The following OCA2 variants were observed in gnomAD, a reference collection of about 807,000 sequenced individuals.
The protein encoded by OCA2 is OCA2 melanosomal transmembrane protein, also known as P protein.
OCA2 carries 77 observed loss-of-function variants against 100.2 expected under a neutral mutation model. That is an observed-to-expected ratio of 0.77 (90% CI 0.64 to 0.93). OCA2 has a LOEUF of 0.93. Among genes scored for constraint, OCA2 ranks in the 40% least tolerant of loss-of-function variants. OCA2 has a pLI of 0.00. For missense variants in OCA2, 1,062 were observed against 1,089.1 expected (o/e 0.98, Z 0.35); for synonymous variants, 432 against 439.2 (o/e 0.98, Z 0.21).
the OCA2 span, among the ~76,000 whole-genome samples, chr15:27,719,585 A>C: frequency 6.6e-6 from 1 of 152,234 alleles, no homozygotes; most frequent in African/African-American, 2.4e-5. Flanking sequence ...AAAACAGTTT[A>C]GCAATATCTT....
chr15:27,932,376 A>G (rs2140424087), intron 18 of OCA2, among the ~76,000 whole-genome samples: 1 of 152,288 alleles, frequency 6.6e-6, no homozygotes. Context: ...CCTGGGGAAA[A>G]GACAAGCATG....
chr15:28,017,887 T>C (rs1470485406), intron 7 of OCA2, among the ~76,000 whole-genome samples: 1 of 152,170 alleles, frequency 6.6e-6, no homozygotes, highest in East Asian at 1.9e-4. Flanking sequence ...TGGGCTGCCA[T>C]GACAGCCACC....
At chr15:28,014,030 C>T (rs1481744452) in intron 9 of OCA2, among the ~76,000 whole-genome samples, 1 of 152,146 alleles carries the variant, frequency 6.6e-6, no homozygotes, top group Non-Finnish European at 1.5e-5. Context: ...GCCACTCCTC[C>T]AGCCTGCCAT....
chr15:27,734,988 A>T, the OCA2 span, among the ~76,000 whole-genome samples: 1 of 152,252 alleles, frequency 6.6e-6, no homozygotes, highest in Non-Finnish European at 1.5e-5. Context: ...AAAGGGACAA[A>T]ATAAAGTGCC....
the OCA2 span, among the ~76,000 whole-genome samples, chr15:27,722,558 CCTCT>C: frequency 6.6e-5 from 10 of 152,110 alleles, no homozygotes; most frequent in Admixed American, 2.6e-4. Context: ...GTCCCCACTC[CCTCT>C]CTATCACCTT....
rs112928548 is a variant in OCA2 at position 27,949,364 on chromosome 15, T to C, written c.1951+2420A>G. 9.5e-3 allele frequency among the ~76,000 whole-genome samples: 1,450 copies of C among 152,232 alleles called. 9 individuals carry two copies. The highest frequency in any genetic ancestry group is 0.016 in the Non-Finnish European group (1,096 of 68,000). On this transcript the variant is annotated intron_variant, in intron 18 of 23. Transcript: ENST00000354638. ...GGCTCAACTTACACAGCAGGACACATTGAAAACAGAACTTCTGGCCGGGCA... is the reference window on the plus strand; with the variant it reads ...GGCTCAACTTACACAGCAGGACACACTGAAAACAGAACTTCTGGCCGGGCA...
intron 21 of OCA2, among the ~76,000 whole-genome samples, chr15:27,863,046 C>T (rs568799591): frequency 1.2e-4 from 19 of 152,204 alleles, no homozygotes; most frequent in South Asian, 1.0e-3. Flanking sequence ...GGAAGCTGGC[C>T]GAGAAGGCAC....
intron 19 of OCA2, among the ~76,000 whole-genome samples, chr15:27,911,441 T>TA (rs1193523078): frequency 1.3e-5 from 2 of 151,788 alleles, no homozygotes; most frequent in Non-Finnish European, 2.9e-5. Flanking sequence ...AAAGAGAAAA[T>TA]AAAAGAGGTT....
At chr15:27,950,367 A>C in intron 18 of OCA2, 1 of 291,952 alleles carries the variant, frequency 3.4e-6, no homozygotes, top group South Asian at 3.0e-5. Context: ...TTCTAATGTT[A>C]AAATTACATT....
In OCA2 at chr15:27,930,902, G is replaced by C. The variant is rs113949761; in HGVS notation, c.1952-4648C>G. Among the ~76,000 whole-genome samples, 84 of 152,190 alleles carry C rather than the reference G, an allele frequency of 5.5e-4. 1 individual carries two copies. Among genetic ancestry groups the C allele is most frequent in the African/African-American group, 1.9e-3 (81 of 41,550 alleles). ...AAACACTGTAGACAAGATGTGCTTA[G>C]AACACTAAAAGTTCAAAGAACTGGG... On this transcript the variant is annotated intron_variant, in intron 18 of 23. Transcript: ENST00000354638.
intron 2 of OCA2, among the ~76,000 whole-genome samples, chr15:28,081,055 G>A (rs1278700468): frequency 6.6e-6 from 1 of 152,052 alleles, no homozygotes; most frequent in Admixed American, 6.5e-5. Context: ...GGGTGCACAT[G>A]GACATAAAGA....
chr15:27,786,093 A>T (rs538561238), intron 23 of OCA2, among the ~76,000 whole-genome samples: 2 of 152,188 alleles, frequency 1.3e-5, no homozygotes, highest in Admixed American at 6.5e-5. Context: ...TTGAAATCCA[A>T]TTGTTCCAGC....
intron 14 of OCA2, among the ~76,000 whole-genome samples, chr15:27,976,245 T>C (rs534035224): frequency 1.5e-4 from 23 of 152,330 alleles, no homozygotes; most frequent in African/African-American, 5.3e-4. Context: ...ATTGATGCTT[T>C]GTATTTCTTT....
chr15:27,738,613 T>C, the OCA2 span, among the ~76,000 whole-genome samples: 1 of 151,816 alleles, frequency 6.6e-6, no homozygotes, highest in Non-Finnish European at 1.5e-5. Context: ...TGGGCGCCTG[T>C]AGTCCCAGCT....
chr15:27,742,922 A>T, the OCA2 span, among the ~76,000 whole-genome samples: 1 of 152,210 alleles, frequency 6.6e-6, no homozygotes, highest in Non-Finnish European at 1.5e-5. Context: ...GGAGGCCAAA[A>T]GCCATCTTCC....
At chr15:27,814,161 G>A (rs80344354) in intron 23 of OCA2, among the ~76,000 whole-genome samples, 1 of 152,042 alleles carries the variant, frequency 6.6e-6, no homozygotes, top group African/African-American at 2.4e-5. Flanking sequence ...ATTTAACTAT[G>A]TATTTGTACC....
At chr15:27,806,603 C>CAA (rs1248370189) in intron 23 of OCA2, among the ~76,000 whole-genome samples, 3 of 152,252 alleles carry the variant, frequency 2.0e-5, no homozygotes, top group African/African-American at 7.2e-5. Context: ...GGCTTCCCGC[C>CAA]GTCCGCTGTG....
At chr15:27,971,487 G>A (rs1187835468) in intron 14 of OCA2, among the ~76,000 whole-genome samples, 1 of 152,124 alleles carries the variant, frequency 6.6e-6, no homozygotes, top group South Asian at 2.1e-4. Flanking sequence ...GTTGGTGCGC[G>A]TGGATGCTAC....
At chr15:27,737,720 C>T in the OCA2 span, among the ~76,000 whole-genome samples, 1 of 152,172 alleles carries the variant, frequency 6.6e-6, no homozygotes, top group South Asian at 2.1e-4. Context: ...AAGCACTAAT[C>T]ATAAGAAGAA....
Sources: gnomAD v4.1 joint callset for allele counts (sites outside exome capture counted in the v4.1 genomes callset) on GRCh38, gnomAD v4.1.1 for gene constraint, MANE v1.5 for transcripts, NCBI Gene and HGNC (gene_info 2026-07-23, HGNC 2026-07-21) for gene names.